MGA: variants seen among roughly 807,000 people sequenced by gnomAD.
MGA encodes MAX gene-associated protein.
A neutral mutation model predicts 261.1 loss-of-function variants in MGA; 40 were observed. The ratio of observed to expected loss-of-function variants is 0.15; its 90% CI spans 0.12 to 0.20. MGA has a LOEUF of 0.20. Among genes scored for constraint, MGA ranks in the 10% least tolerant of loss-of-function variants. The pLI is 1.00. For synonymous variants in MGA, 1,302 were observed against 1,290.6 expected, an observed-to-expected ratio of 1.01 and a Z score of -0.19; for missense variants, 3,397 against 3,630.5, an observed-to-expected ratio of 0.94 and a Z score of 1.65.
At chr15:41,656,377 T>TCACACACACACACA (rs1243345715), upstream of MGA, among the ~76,000 whole-genome samples, 1 of 68,274 alleles carries the variant, frequency 1.5e-5, no homozygotes, top group Admixed American at 2.2e-4. Flanking sequence ...TCTCTCTCTC[T>TCACACACACACACA]CACACCCAGG....
chr15:41,649,316 G>A (rs1196523232), intron 1 of MGA, among the ~76,000 whole-genome samples: 1 of 151,346 alleles, frequency 6.6e-6, no homozygotes, highest in Non-Finnish European at 1.5e-5. Context: ...GGGTGGCAGA[G>A]GTTGCAAGTG....
chr15:41,685,896 T>C (rs2151155389), intron 2 of MGA, among the ~76,000 whole-genome samples: 2 of 151,472 alleles, frequency 1.3e-5, no homozygotes, highest in Middle Eastern at 3.4e-3. Flanking sequence ...TCCCAGCTAC[T>C]CAGGAGGCTG....
chr15:41,653,657 G>A (rs536528851), intron 1 of MGA, among the ~76,000 whole-genome samples: 23 of 148,758 alleles, frequency 1.5e-4, no homozygotes, highest in Middle Eastern at 6.9e-3. Context: ...GCAGTGAGCC[G>A]TGATCATACC....
intron 9 of MGA, among the ~76,000 whole-genome samples, chr15:41,725,317 AT>A (rs1304746666): frequency 1.3e-5 from 2 of 151,896 alleles, no homozygotes; most frequent in Non-Finnish European, 2.9e-5. Flanking sequence ...TAAAAAGAAA[AT>A]TTTTTTTCTT....
At chr15:41,690,841 T>C (rs972627277) in intron 2 of MGA, among the ~76,000 whole-genome samples, 1 of 151,980 alleles carries the variant, frequency 6.6e-6, no homozygotes, top group East Asian at 1.9e-4. Flanking sequence ...ATTGCACCAT[T>C]GCACTCTAGC....
In MGA at chr15:41,711,335, C is replaced by G. The variant is rs1277465034; in HGVS notation, c.3070C>G (p.Leu1024Val). ...GCGAGCAGATGTATCCTTAACAACT[C>G]TACTTACAGCTCAAGTAAGTAGCTG... The change falls in exon 8 of 24, where the codon CTA becomes GTA. Residue 1024 changes from leucine (L) to valine (V), a missense_variant. This residue lies in a region of MGA where 519 missense variants were observed against 554.1 expected (regional missense o/e 0.94). Coordinates refer to ENST00000219905, the MANE Select transcript of MGA (RefSeq NM_001164273.2). The G allele has an allele frequency of 6.2e-7, 1 of 1,600,048 alleles. No individual in the cohort carries two copies. Among genetic ancestry groups the G allele is most frequent in the Admixed American group, 1.7e-5 (1 of 57,352 alleles).
chr15:41,705,348 A>G (rs1396315127), intron 5 of MGA, among the ~76,000 whole-genome samples: 1 of 151,592 alleles, frequency 6.6e-6, no homozygotes, highest in Non-Finnish European at 1.5e-5. Flanking sequence ...ACATAACACT[A>G]AAGCTTCTTG....
chr15:41,690,720 A>G (rs966369599), intron 2 of MGA, among the ~76,000 whole-genome samples: 4 of 152,140 alleles, frequency 2.6e-5, no homozygotes, highest in African/African-American at 9.7e-5. Flanking sequence ...ACAAAAAAAT[A>G]AAAATAATAG....
At chr15:41,747,126 C>G (rs1369487425) in intron 15 of MGA, among the ~76,000 whole-genome samples, 2 of 151,964 alleles carry the variant, frequency 1.3e-5, no homozygotes, top group Non-Finnish European at 2.9e-5. Context: ...TCTGCTTTTT[C>G]TTTTTGTTTT....
chr15:41,762,026 A>G lies in MGA; in HGVS notation c.7511-103A>G, dbSNP rs147449550. 1.4e-3 allele frequency: 1,582 copies of G among 1,093,550 alleles called. 21 individuals carry two copies. In the African/African-American group the frequency reaches 0.023, roughly 16 times the overall value. 67.7% of individuals were successfully genotyped at this position (1,093,550 alleles called of 1,614,324 possible). The stretch of plus-strand genomic sequence containing the variant: ...GTGAATTGTAATCACCTTACTTTCC[A>G]TAGTTTTTGGGAATATAGTTAAAGC... On this transcript the variant is annotated intron_variant, in intron 21 of 23. Coordinates refer to ENST00000219905, the MANE Select transcript of MGA (RefSeq NM_001164273.2).
Position 41,739,814 on chromosome 15 carries a change from T to C in MGA, c.4435-239T>C, listed in dbSNP as rs993044485. 4.7e-6 allele frequency: 6 copies of C among 1,277,496 alleles called. No homozygotes were observed. The Admixed American group carries it at 9.2e-5, about 20-fold the overall frequency. The allele number at this position is 1,277,496 out of a possible 1,614,324, so 79.1% of individuals were successfully genotyped here. On this transcript the variant is annotated intron_variant, in intron 13 of 23. Transcript: ENST00000219905. ...CTTTTAAATCTGAAAAATAGACTTA[T>C]GAAAACTTGTAAAAATGAAGCCCCT...
chr15:41,754,693 T>G (rs2063044212), intron 18 of MGA, 126 bp downstream of exon 18: 3 of 1,130,274 alleles, frequency 2.7e-6, no homozygotes, highest in Non-Finnish European at 3.6e-6. Context: ...TTTTTCTGAT[T>G]AGTATAGATG....
Position 41,667,053 on chromosome 15 carries a change from A to G in MGA, c.-67-1775A>G, listed in dbSNP as rs144965991. ...GCTGGTTGACCTAACCCTTTCCAGCACTACCAGGCTTTGATTTTTGCCAGT... is the reference window on the plus strand; with the variant it reads ...GCTGGTTGACCTAACCCTTTCCAGCGCTACCAGGCTTTGATTTTTGCCAGT... On this transcript the variant is annotated intron_variant, in intron 1 of 23. Transcript: ENST00000219905. 7.2e-5 allele frequency among the ~76,000 whole-genome samples: 11 copies of G among 152,314 alleles called. No individual in the cohort carries two copies. In the East Asian group the frequency reaches 2.1e-3, roughly 29 times the overall value.
chr15:41,725,906 A>T (rs954823224), intron 9 of MGA, among the ~76,000 whole-genome samples: 2 of 151,848 alleles, frequency 1.3e-5, no homozygotes, highest in Non-Finnish European at 2.9e-5. Flanking sequence ...CTTAACCTAG[A>T]TCTTCTTTTT....
chr15:41,698,445 G>A (rs1306446835), intron 3 of MGA, among the ~76,000 whole-genome samples: 3 of 152,146 alleles, frequency 2.0e-5, no homozygotes, highest in Non-Finnish European at 4.4e-5. Flanking sequence ...GATTATAGGC[G>A]TGAGCCACTG....
chr15:41,738,262 G>C (rs897552085), intron 13 of MGA, among the ~76,000 whole-genome samples: 1 of 151,940 alleles, frequency 6.6e-6, no homozygotes, highest in Admixed American at 6.6e-5. Context: ...AGCCGGGCAT[G>C]GTGGCGTGTG....
intron 1 of MGA, among the ~76,000 whole-genome samples, chr15:41,626,170 G>A (rs1377558016): frequency 1.3e-5 from 2 of 152,176 alleles, no homozygotes; most frequent in Non-Finnish European, 2.9e-5. Context: ...GTGGGGATAA[G>A]AGGAGAATTA....
chr15:41,635,900 G>A (rs144629190), intron 1 of MGA, among the ~76,000 whole-genome samples: 220 of 152,212 alleles, frequency 1.4e-3, no homozygotes, highest in African/African-American at 5.0e-3. Context: ...TGATACTGGT[G>A]TAAACAAACC....
chr15:41,684,340 A>G (rs1191379100), intron 2 of MGA: 3 of 445,188 alleles, frequency 6.7e-6, no homozygotes, highest in Non-Finnish European at 1.3e-5. Context: ...CATAATGCCA[A>G]CAAAAAAAAT....
Sources: allele counts gnomAD v4.1 joint callset (sites outside exome capture counted in the v4.1 genomes callset), GRCh38; gene constraint gnomAD v4.1.1; regional missense constraint gnomAD v4.1.1; transcripts MANE v1.5; gene names NCBI Gene and HGNC (gene_info 2026-07-23, HGNC 2026-07-21).